Variants in ROR1 observed in about 807,000 individuals in gnomAD.
The protein encoded by ROR1 is inactive tyrosine-protein kinase transmembrane receptor ROR1.
ROR1 carries 19 observed loss-of-function variants against 78.8 expected under a neutral mutation model. The ratio of observed to expected loss-of-function variants is 0.24; its 90% CI spans 0.17 to 0.35. ROR1 has a LOEUF of 0.35. Among genes scored for constraint, ROR1 ranks in the 10% least tolerant of loss-of-function variants. The pLI is 1.00. For synonymous variants in ROR1, 386 were observed against 433.6 expected (o/e 0.89, Z 1.36); for missense variants, 917 against 1,177.8 (o/e 0.78, Z 3.24).
chr1:64,003,148 G>C (rs1442474214), intron 1 of ROR1, among the ~76,000 whole-genome samples: 2 of 151,892 alleles, frequency 1.3e-5, no homozygotes, highest in Admixed American at 6.6e-5. Flanking sequence ...CACAAGCAGA[G>C]TCTTTTGGAC....
chr1:63,984,542 A>G (rs1328257501), intron 1 of ROR1, among the ~76,000 whole-genome samples: 1 of 152,194 alleles, frequency 6.6e-6, no homozygotes, highest in Non-Finnish European at 1.5e-5. Flanking sequence ...TGTAAATGTT[A>G]TTAGGCTGTG....
intron 1 of ROR1, among the ~76,000 whole-genome samples, chr1:63,920,407 A>G (rs1553143757): frequency 6.6e-6 from 1 of 152,190 alleles, no homozygotes. Flanking sequence ...GAGCAAAGTC[A>G]GTGTAGTGGC....
chr1:63,861,709 T>G (rs1019519291), intron 1 of ROR1, among the ~76,000 whole-genome samples: 35 of 152,218 alleles, frequency 2.3e-4, no homozygotes, highest in African/African-American at 8.4e-4. Flanking sequence ...ATATGGTTTT[T>G]GGGGATTCTA....
At chr1:64,111,873 C>T (rs1205267232) in intron 4 of ROR1, 1 of 152,210 alleles carries the variant, frequency 6.6e-6, no homozygotes, top group Non-Finnish European at 1.5e-5. Context: ...AACTTATAAA[C>T]CAATCAAATG....
intron 2 of ROR1, among the ~76,000 whole-genome samples, chr1:64,039,012 T>C (rs937767162): frequency 5.3e-5 from 8 of 152,190 alleles, no homozygotes; most frequent in Non-Finnish European, 1.0e-4. Flanking sequence ...AGATAATTTC[T>C]AATTGTTGAG....
chr1:64,126,211 T>C (rs1016809526), intron 4 of ROR1, among the ~76,000 whole-genome samples: 1 of 152,136 alleles, frequency 6.6e-6, no homozygotes, highest in African/African-American at 2.4e-5. Context: ...GTTCAGAAAC[T>C]ATAAGCTGTT....
intron 1 of ROR1, among the ~76,000 whole-genome samples, chr1:63,958,640 T>G (rs974145752): frequency 5.4e-4 from 82 of 152,340 alleles, no homozygotes; most frequent in African/African-American, 2.0e-3. Flanking sequence ...GAGGTCTGGA[T>G]GTAGGTGGCA....
intron 1 of ROR1, among the ~76,000 whole-genome samples, chr1:63,949,176 T>A (rs1490121552): frequency 6.6e-6 from 1 of 152,018 alleles, no homozygotes; most frequent in African/African-American, 2.4e-5. Flanking sequence ...CAGAAAGGGG[T>A]TAGGGCAAGT....
At chr1:63,872,455 TG>T in intron 1 of ROR1, among the ~76,000 whole-genome samples, 1 of 152,256 alleles carries the variant, frequency 6.6e-6, no homozygotes, top group East Asian at 1.9e-4. Context: ...AACATGGGGT[TG>T]GTAGTACTTA....
intron 1 of ROR1, among the ~76,000 whole-genome samples, chr1:63,903,684 C>T (rs1569886018): frequency 6.6e-6 from 1 of 151,766 alleles, no homozygotes; most frequent in East Asian, 1.9e-4. Context: ...AAAATGTGCA[C>T]AGATTATATA....
At chr1:64,038,888 G>A (rs933866159) in intron 2 of ROR1, among the ~76,000 whole-genome samples, 4 of 152,132 alleles carry the variant, frequency 2.6e-5, no homozygotes, top group South Asian at 2.1e-4. Flanking sequence ...CAAAGTTCAC[G>A]GCCTTGTGTG....
chr1:64,025,654 CAT>C (rs869196857), intron 2 of ROR1, among the ~76,000 whole-genome samples: 2 of 151,800 alleles, frequency 1.3e-5, no homozygotes, highest in African/African-American at 2.4e-5. Flanking sequence ...CACATATACA[CAT>C]ATATATATGA....
chr1:63,940,607 G>A (rs1482999981), intron 1 of ROR1, among the ~76,000 whole-genome samples: 1 of 152,126 alleles, frequency 6.6e-6, no homozygotes, highest in Non-Finnish European at 1.5e-5. Context: ...TGTGACATGT[G>A]ATATATGTGG....
chr1:64,168,766 T>A (rs1007535512), intron 8 of ROR1, among the ~76,000 whole-genome samples: 2 of 152,246 alleles, frequency 1.3e-5, no homozygotes, highest in African/African-American at 2.4e-5. Flanking sequence ...TTGTTTTCTC[T>A]CAGTTGGATA....
Position 64,049,838 on chromosome 1 carries a change from G to A in ROR1, c.311G>A (p.Arg104Lys). ...GCTCCTGTGGTCCAGGAGCCCCGGAGGCTCTCCTTTCGGTCCACCATCTAT... is the reference window on the plus strand; with the variant it reads ...GCTCCTGTGGTCCAGGAGCCCCGGAAGCTCTCCTTTCGGTCCACCATCTAT... The part of the protein sequence containing the change: ...NDAPVVQEPR[R>K]LSFRSTIYGS... Residue 104 changes from arginine to lysine, a missense_variant, in exon 3 of 9, where the codon AGG (arginine) becomes AAG (lysine). Transcript: ENST00000371079. 4.3e-6 allele frequency: 7 copies of A among 1,614,224 alleles called. No individual in the cohort carries two copies. The highest frequency in any genetic ancestry group is 5.9e-6 in the Non-Finnish European group (7 of 1,180,036).
At chr1:64,012,673 C>G (rs1426083303) in intron 2 of ROR1, among the ~76,000 whole-genome samples, 2 of 152,132 alleles carry the variant, frequency 1.3e-5, no homozygotes, top group African/African-American at 4.8e-5. Flanking sequence ...TAAGGGTTAG[C>G]AGACAAAACA....
chr1:64,007,010 G>A (rs1646433138), intron 1 of ROR1, among the ~76,000 whole-genome samples: 1 of 151,970 alleles, frequency 6.6e-6, no homozygotes, highest in Non-Finnish European at 1.5e-5. Flanking sequence ...TCTGTGAAAA[G>A]GTGAGGCCAG....
chr1:64,054,922 T>C (rs1646862249), intron 4 of ROR1, among the ~76,000 whole-genome samples: 1 of 152,198 alleles, frequency 6.6e-6, no homozygotes, highest in Non-Finnish European at 1.5e-5. Flanking sequence ...CATTGGCTTA[T>C]AGATGCATCT....
At chr1:64,165,447 A>G (rs914683524) in intron 8 of ROR1, among the ~76,000 whole-genome samples, 5 of 152,012 alleles carry the variant, frequency 3.3e-5, no homozygotes, top group Non-Finnish European at 7.4e-5. Context: ...TAAATTCCTT[A>G]GAAATGCTGG....
Sources: gnomAD v4.1 joint callset for allele counts (sites outside exome capture counted in the v4.1 genomes callset) on GRCh38, gnomAD v4.1.1 for gene constraint, MANE v1.5 for transcripts, NCBI Gene and HGNC (gene_info 2026-07-23, HGNC 2026-07-21) for gene names.